Variants in CDH13 observed in about 807,000 individuals in gnomAD.
The protein encoded by CDH13 is cadherin 13.
CDH13 carries 24 observed loss-of-function variants against 63.8 expected under a neutral mutation model. The ratio of observed to expected loss-of-function variants is 0.38; its 90% CI spans 0.27 to 0.53. The LOEUF (loss-of-function observed/expected upper bound fraction) is 0.53. CDH13 is among the 20% of genes least tolerant of loss of function. CDH13 has a pLI of 0.85. For missense variants in CDH13, 1,049 were observed against 903.1 expected (o/e 1.16, Z -2.07); for synonymous variants, 503 against 355.3 (o/e 1.42, Z -4.67).
At chr16:83,179,750 G>C (rs1252366758) in intron 4 of CDH13, among the ~76,000 whole-genome samples, 1 of 152,126 alleles carries the variant, frequency 6.6e-6, no homozygotes, top group Non-Finnish European at 1.5e-5. Flanking sequence ...CAGATTTCTG[G>C]AATTGCAGTC....
chr16:82,976,276 G>C (rs981023420), intron 2 of CDH13, among the ~76,000 whole-genome samples: 5 of 152,028 alleles, frequency 3.3e-5, no homozygotes, highest in Non-Finnish European at 5.9e-5. Flanking sequence ...CCACTTCCTG[G>C]GCCTCTGAAG....
chr16:82,952,384 A>G (rs1430566319), intron 2 of CDH13, among the ~76,000 whole-genome samples: 1 of 152,200 alleles, frequency 6.6e-6, no homozygotes, highest in Non-Finnish European at 1.5e-5. Context: ...CTTGGAAAGT[A>G]ATTACCATAG....
intron 2 of CDH13, among the ~76,000 whole-genome samples, chr16:82,975,205 G>A (rs1192505977): frequency 1.3e-5 from 2 of 152,350 alleles, no homozygotes; most frequent in Middle Eastern, 3.4e-3. Flanking sequence ...TGCTGTGGTT[G>A]GATGGTCTGG....
chr16:82,912,555 A>C (rs1471230262), intron 2 of CDH13, among the ~76,000 whole-genome samples: 2 of 152,222 alleles, frequency 1.3e-5, no homozygotes, highest in African/African-American at 2.4e-5. Context: ...AAGTACATAA[A>C]ATAATGTGAT....
At chr16:83,624,456 CTG>C (rs886306047) in intron 8 of CDH13, among the ~76,000 whole-genome samples, 4 of 152,068 alleles carry the variant, frequency 2.6e-5, no homozygotes, top group African/African-American at 9.7e-5. Flanking sequence ...CGGGATGACA[CTG>C]TTCCACCTTA....
chr16:83,101,749 G>T (rs374722977), intron 3 of CDH13, among the ~76,000 whole-genome samples: 2 of 152,190 alleles, frequency 1.3e-5, no homozygotes, highest in Non-Finnish European at 2.9e-5. Context: ...AGCCGAGATC[G>T]TGCCCCTGCA....
chr16:83,057,387 A>G (rs78659660), intron 3 of CDH13, among the ~76,000 whole-genome samples: 3,964 of 152,282 alleles, frequency 0.026, 175 homozygotes, highest in African/African-American at 0.089. Flanking sequence ...GTATGTCTTC[A>G]TCTTTATGGT....
At position 83,263,614 on chromosome 16, in the gene CDH13, G is replaced by T. The variant is rs753617034; in HGVS notation, c.636+46117G>T. 1.3e-5 allele frequency among the ~76,000 whole-genome samples: 2 copies of T among 152,188 alleles called. 1 individual carries two copies. The highest frequency in any genetic ancestry group is 6.3e-3 in the Middle Eastern group (2 of 316). On this transcript the variant is annotated intron_variant, in intron 5 of 13. Coordinates refer to ENST00000567109, the MANE Select transcript of CDH13 (RefSeq NM_001257.5). ...AAACTTAAAATATGATCTTCGTGAT[G>T]TGGTTTGGCCAATGTAGAGGATTAA...
intron 4 of CDH13, among the ~76,000 whole-genome samples, chr16:83,159,613 A>T (rs73604274): frequency 6.6e-6 from 1 of 152,270 alleles, no homozygotes; most frequent in African/African-American, 2.4e-5. Flanking sequence ...CTTAGCAGAA[A>T]GAAGAAACGA....
chr16:83,205,075 T>G (rs1274422669), intron 4 of CDH13, among the ~76,000 whole-genome samples: 19 of 152,184 alleles, frequency 1.2e-4, no homozygotes. Flanking sequence ...ATGATTACTT[T>G]CTGATACCAT....
intron 3 of CDH13, among the ~76,000 whole-genome samples, chr16:83,070,570 G>C (rs895818630): frequency 2.0e-5 from 3 of 152,066 alleles, no homozygotes; most frequent in Admixed American, 6.6e-5. Context: ...AGTTATTTTA[G>C]AAGTAAAAGT....
At chr16:83,542,339 A>C (rs1433120457) in intron 7 of CDH13, among the ~76,000 whole-genome samples, 1 of 152,196 alleles carries the variant, frequency 6.6e-6, no homozygotes, top group Non-Finnish European at 1.5e-5. Context: ...CTACTGCTCC[A>C]TCTCAGTAGT....
chr16:82,797,636 T>A (rs1243788549), intron 1 of CDH13, among the ~76,000 whole-genome samples: 2 of 152,178 alleles, frequency 1.3e-5, no homozygotes, highest in Non-Finnish European at 2.9e-5. Context: ...TGATTCTCAT[T>A]TACCTGTTTA....
intron 8 of CDH13, among the ~76,000 whole-genome samples, chr16:83,633,391 G>A (rs936429671): frequency 7.2e-5 from 11 of 152,174 alleles, no homozygotes; most frequent in African/African-American, 9.7e-5. Flanking sequence ...TGACCTCACC[G>A]TAGAAGAGCA....
At chr16:83,293,747 C>T (rs912552508) in intron 5 of CDH13, among the ~76,000 whole-genome samples, 6 of 152,166 alleles carry the variant, frequency 3.9e-5, no homozygotes, top group South Asian at 2.1e-4. Flanking sequence ...AGTCATGAAC[C>T]GGGTTGGAAA....
At chr16:83,776,367 A>G (rs903084674) in intron 11 of CDH13, among the ~76,000 whole-genome samples, 1 of 152,242 alleles carries the variant, frequency 6.6e-6, no homozygotes, top group Non-Finnish European at 1.5e-5. Flanking sequence ...TAACTAAATG[A>G]CTAAAACTGA....
At chr16:82,640,514 C>T (rs906822630) in intron 1 of CDH13, among the ~76,000 whole-genome samples, 10 of 152,086 alleles carry the variant, frequency 6.6e-5, no homozygotes, top group Non-Finnish European at 1.2e-4. Context: ...ATTAAAGCAG[C>T]CACAGCCGAT....
At position 82,946,951 on chromosome 16, in the gene CDH13, C is replaced by G. The variant is rs144106808; in HGVS notation, c.158-85059C>G. On this transcript the variant is annotated intron_variant, in intron 2 of 13. Coordinates refer to ENST00000567109, the MANE Select transcript of CDH13 (RefSeq NM_001257.5). Reference sequence around the variant, plus strand: ...GATGCCATAACAGATTGGATACATACAATCAAATTGTTGCTAATAACACTA... The same window carrying G: ...GATGCCATAACAGATTGGATACATAGAATCAAATTGTTGCTAATAACACTA... 8.3e-3 allele frequency among the ~76,000 whole-genome samples: 1,256 copies of G among 151,724 alleles called. 21 individuals carry two copies. Among genetic ancestry groups the G allele is most frequent in the Admixed American group, 0.028 (430 of 15,246 alleles).
chr16:83,724,302 T>C (rs1362585923), intron 10 of CDH13, among the ~76,000 whole-genome samples: 1 of 150,170 alleles, frequency 6.7e-6, no homozygotes, highest in Non-Finnish European at 1.5e-5. Flanking sequence ...GATGAATGCA[T>C]GGGTGAGTGA....
Sources: gnomAD v4.1 joint callset for allele counts (sites outside exome capture counted in the v4.1 genomes callset) on GRCh38, gnomAD v4.1.1 for gene constraint, MANE v1.5 for transcripts, NCBI Gene and HGNC (gene_info 2026-07-23, HGNC 2026-07-21) for gene names.